PHTF1: variants seen among roughly 807,000 people sequenced by gnomAD.
PHTF1 encodes the protein protein PHTF1.
A neutral mutation model predicts 102.4 loss-of-function variants in PHTF1; 88 were observed. That is an observed-to-expected ratio of 0.86 (90% CI 0.72 to 1.03). The LOEUF (loss-of-function observed/expected upper bound fraction) is 1.03. Ranked by LOEUF, PHTF1 falls within the 50% of genes least tolerant of loss-of-function variation. PHTF1 has a pLI of 0.00. For missense variants in PHTF1, 814 were observed against 909.5 expected (o/e 0.89, Z 1.35); for synonymous variants, 289 against 305.2 (o/e 0.95, Z 0.55).
chr1:113,698,196 G>T, intron 18 of PHTF1, 66 bp downstream of exon 18: 2 of 1,094,108 alleles, frequency 1.8e-6, no homozygotes, highest in Non-Finnish European at 2.7e-6. Flanking sequence ...CACGTGTGAA[G>T]AACACAGATT....
intron 15 of PHTF1, 28 bp from the exon 16 acceptor site, chr1:113,700,977 G>C: frequency 6.5e-7 from 1 of 1,530,488 alleles, no homozygotes; most frequent in Non-Finnish European, 8.9e-7. Flanking sequence ...AAAAAGTTAA[G>C]TTTTTCATTT....
chr1:113,706,246 T>G, intron 12 of PHTF1, 84 bp from the exon 13 acceptor site: 1 of 1,109,564 alleles, frequency 9.0e-7, no homozygotes, highest in Non-Finnish European at 1.3e-6. Flanking sequence ...CTATTTAGAC[T>G]ATTAAAAACA....
intron 2 of PHTF1, 52 bp from the exon 3 acceptor site, chr1:113,757,807 T>C (rs772325209): frequency 1.7e-6 from 2 of 1,150,996 alleles, no homozygotes; most frequent in Non-Finnish European, 2.6e-6. Flanking sequence ...AATCCTTACA[T>C]TATTAAGTCA....
At chr1:113,710,025 A>T (rs1212672364) in intron 11 of PHTF1, among the ~76,000 whole-genome samples, 109 of 152,334 alleles carry the variant, frequency 7.2e-4, no homozygotes, top group Non-Finnish European at 2.1e-4. Flanking sequence ...AATAAGAAAA[A>T]GTAATATACA....
intron 3 of PHTF1, among the ~76,000 whole-genome samples, chr1:113,742,787 A>G (rs1656609622): frequency 6.6e-6 from 1 of 152,160 alleles, no homozygotes; most frequent in African/African-American, 2.4e-5. Flanking sequence ...CTTTATAAAC[A>G]CCATAAACAT....
At chr1:113,758,126 G>A (rs1280037126) in intron 2 of PHTF1, among the ~76,000 whole-genome samples, 1 of 150,786 alleles carries the variant, frequency 6.6e-6, no homozygotes, top group Non-Finnish European at 1.5e-5. Flanking sequence ...GTGGGCGCCT[G>A]TGATCCCAGC....
At chr1:113,733,273 T>G (rs1432452868) in intron 5 of PHTF1, among the ~76,000 whole-genome samples, 2 of 151,852 alleles carry the variant, frequency 1.3e-5, no homozygotes, top group Admixed American at 1.3e-4. Flanking sequence ...ATCTATTGCT[T>G]TCCAAAACAA....
intron 5 of PHTF1, among the ~76,000 whole-genome samples, chr1:113,732,269 A>C (rs749480939): frequency 6.6e-6 from 1 of 152,216 alleles, no homozygotes; most frequent in Non-Finnish European, 1.5e-5. Flanking sequence ...AGGCCGAGGC[A>C]GGTGGATCAC....
intron 3 of PHTF1, among the ~76,000 whole-genome samples, chr1:113,752,551 A>C: frequency 1.4e-5 from 1 of 69,812 alleles, no homozygotes; most frequent in Non-Finnish European, 3.1e-5. Context: ...ACGCCTGGCT[A>C]ATTTTTGTAT....
chr1:113,757,665 T>C (rs1659080747), intron 3 of PHTF1, 34 bp downstream of exon 3: 22 of 1,431,934 alleles, frequency 1.5e-5, no homozygotes, highest in Non-Finnish European at 2.2e-5. Flanking sequence ...ATTAATGCAG[T>C]GAAACATAGG....
rs776404140 is a variant in PHTF1, at chr1:113,700,893, G to A, written c.1947C>T (p.Ile649=). The A allele has an allele frequency of 1.2e-6, 2 of 1,612,744 alleles. No homozygotes were observed. The highest frequency in any genetic ancestry group is 1.7e-6 in the Non-Finnish European group (2 of 1,179,450). Residue 649 remains isoleucine, a synonymous_variant, in exon 16 of 19, where the codon ATC becomes ATT. Coordinates refer to ENST00000369604, the MANE Select transcript of PHTF1 (RefSeq NM_001323043.2). ...AAAAAAGTAGTAAAGCTGTTTCCCA[G>A]ATCAAAAACTCCCAGTTATAAGCAT... ...LNDAYNWEFL[I]WETALLLFLL...
intron 17 of PHTF1, among the ~76,000 whole-genome samples, chr1:113,698,679 TGACA>T (rs1162351351): frequency 6.7e-6 from 1 of 149,652 alleles, no homozygotes; most frequent in Non-Finnish European, 1.5e-5. Flanking sequence ...ATATAAAATA[TGACA>T]GACATCAGCA....
At chr1:113,739,437 T>G (rs1255445823) in intron 3 of PHTF1, among the ~76,000 whole-genome samples, 2 of 152,008 alleles carry the variant, frequency 1.3e-5, no homozygotes, top group Admixed American at 1.3e-4. Flanking sequence ...AACTTCCATC[T>G]TTTTTTTGCT....
At chr1:113,699,243 G>C (rs935132255) in intron 17 of PHTF1, 1 of 233,692 alleles carries the variant, frequency 4.3e-6, no homozygotes, top group Non-Finnish European at 8.5e-6. Context: ...TGTGAGGCTT[G>C]CTAATCTTGT....
chr1:113,731,701 C>T (rs1008209005), intron 5 of PHTF1, among the ~76,000 whole-genome samples: 2 of 151,560 alleles, frequency 1.3e-5, no homozygotes, highest in Non-Finnish European at 2.9e-5. Flanking sequence ...CGAGACCAGC[C>T]TGGCCAACGT....
intron 7 of PHTF1, among the ~76,000 whole-genome samples, chr1:113,722,513 T>C (rs895766329): frequency 1.3e-5 from 2 of 152,298 alleles, no homozygotes; most frequent in Middle Eastern, 6.8e-3. Context: ...AGAATGACTA[T>C]TGTTAAAAAT....
At chr1:113,739,794 A>T (rs1336959281) in intron 3 of PHTF1, among the ~76,000 whole-genome samples, 1 of 152,196 alleles carries the variant, frequency 6.6e-6, no homozygotes, top group African/African-American at 2.4e-5. Context: ...TATGAGATCA[A>T]CTTTTTAGCT....
At chr1:113,706,847 CTTTCTT>C in intron 11 of PHTF1, 125 bp from the exon 12 acceptor site, 2 of 312,094 alleles carry the variant, frequency 6.4e-6, no homozygotes, top group Non-Finnish European at 1.1e-5. Context: ...TCCTTTCTTT[CTTTCTT>C]TTTTTTTTTT....
intron 5 of PHTF1, among the ~76,000 whole-genome samples, chr1:113,735,748 TATAC>T (rs1179219342): frequency 8.5e-5 from 13 of 152,326 alleles, no homozygotes; most frequent in Admixed American, 2.6e-4. Context: ...TTTGTAAATT[TATAC>T]ATATATTTTT....
Sources: gnomAD v4.1 joint callset for allele counts (sites outside exome capture counted in the v4.1 genomes callset) on GRCh38, gnomAD v4.1.1 for gene constraint, MANE v1.5 for transcripts, NCBI Gene and HGNC (gene_info 2026-07-23, HGNC 2026-07-21) for gene names.